Variants in CSMD1 observed in about 807,000 individuals in gnomAD.
The protein encoded by CSMD1 is CUB and sushi domain-containing protein 1.
A neutral mutation model predicts 417.5 loss-of-function variants in CSMD1; 213 were observed. That is an observed-to-expected ratio of 0.51 (90% CI 0.46 to 0.57). CSMD1 has a LOEUF of 0.57. Ranked by LOEUF, CSMD1 falls within the 20% of genes least tolerant of loss-of-function variation. The probability of loss-of-function intolerance (pLI) is 0.00; values close to 1 mark genes in which losing one functional copy is unlikely to be tolerated. For synonymous variants in CSMD1, 2,862 were observed against 1,736.8 expected, an observed-to-expected ratio of 1.65 and a Z score of -16.11; for missense variants, 6,923 against 4,529.7, an observed-to-expected ratio of 1.53 and a Z score of -15.17.
At chr8:3,075,813 G>C (rs1327895747) in intron 49 of CSMD1, among the ~76,000 whole-genome samples, 1 of 151,528 alleles carries the variant, frequency 6.6e-6, no homozygotes, top group African/African-American at 2.4e-5. Flanking sequence ...AGGCCAAGGC[G>C]GGTGGATCAC....
At chr8:4,155,229 C>T (rs147008768) in intron 3 of CSMD1, among the ~76,000 whole-genome samples, 34 of 152,172 alleles carry the variant, frequency 2.2e-4, no homozygotes, top group East Asian at 9.7e-4. Flanking sequence ...GACTGGGTCA[C>T]GCAAATGTTG....
At chr8:2,978,016 C>T (rs766393261) in intron 55 of CSMD1, among the ~76,000 whole-genome samples, 26 of 152,262 alleles carry the variant, frequency 1.7e-4, no homozygotes, top group Admixed American at 3.3e-4. Flanking sequence ...GACAGTGTAG[C>T]GATTCCTCAA....
intron 1 of CSMD1, among the ~76,000 whole-genome samples, chr8:4,809,053 G>C (rs1356493489): frequency 6.6e-6 from 1 of 152,152 alleles, no homozygotes; most frequent in Non-Finnish European, 1.5e-5. Context: ...ACACAGATGA[G>C]TACAGCTTCA....
chr8:4,112,046 T>C (rs1801884518), intron 3 of CSMD1, among the ~76,000 whole-genome samples: 1 of 151,600 alleles, frequency 6.6e-6, no homozygotes, highest in South Asian at 2.1e-4. Flanking sequence ...TACTTTATGT[T>C]AACATTTGCA....
At chr8:4,311,743 A>G (rs1213861645) in intron 3 of CSMD1, among the ~76,000 whole-genome samples, 1 of 148,224 alleles carries the variant, frequency 6.7e-6, no homozygotes, top group South Asian at 2.1e-4. Flanking sequence ...AAAAAAAAGT[A>G]GAATCTAAAT....
At chr8:3,309,569 A>G (rs192247707) in intron 23 of CSMD1, among the ~76,000 whole-genome samples, 2 of 152,236 alleles carry the variant, frequency 1.3e-5, no homozygotes, top group Non-Finnish European at 2.9e-5. Context: ...TGTGAAAGAC[A>G]GTCTTACAGT....
At chr8:4,388,174 T>G (rs1219237032) in intron 3 of CSMD1, among the ~76,000 whole-genome samples, 1 of 152,166 alleles carries the variant, frequency 6.6e-6, no homozygotes, top group Non-Finnish European at 1.5e-5. Flanking sequence ...AATGGGCATC[T>G]ACCCAGAGGA....
At chr8:3,635,764 T>A (rs1350405014) in intron 7 of CSMD1, among the ~76,000 whole-genome samples, 1 of 125,800 alleles carries the variant, frequency 7.9e-6, no homozygotes, top group African/African-American at 3.2e-5. Flanking sequence ...ATTACAGGTA[T>A]GAACCTCTGC....
chr8:3,402,146 G>A (rs1045778883), intron 15 of CSMD1, among the ~76,000 whole-genome samples: 1 of 152,100 alleles, frequency 6.6e-6, no homozygotes, highest in African/African-American at 2.4e-5. Context: ...GATGCAGCCT[G>A]TCTTCTCCAT....
intron 2 of CSMD1, among the ~76,000 whole-genome samples, chr8:4,427,754 C>G (rs985111770): frequency 1.3e-5 from 2 of 152,068 alleles, no homozygotes; most frequent in African/African-American, 4.8e-5. Context: ...GTATATAAAT[C>G]TCTCAATAGA....
intron 3 of CSMD1, among the ~76,000 whole-genome samples, chr8:4,105,713 G>T (rs988885836): frequency 8.5e-5 from 13 of 152,206 alleles, no homozygotes; most frequent in African/African-American, 3.1e-4. Flanking sequence ...GTACCCCATG[G>T]CAAGATCAAC....
chr8:4,883,661 G>A (rs1249924561), intron 1 of CSMD1, among the ~76,000 whole-genome samples: 1 of 151,924 alleles, frequency 6.6e-6, no homozygotes, highest in Admixed American at 6.6e-5. Context: ...AGTACTTTAT[G>A]CTTTTTATTG....
At chr8:3,992,719 T>A (rs2130296437) in intron 5 of CSMD1, among the ~76,000 whole-genome samples, 1 of 152,316 alleles carries the variant, frequency 6.6e-6, no homozygotes, top group African/African-American at 2.4e-5. Flanking sequence ...AGTTTGAGGC[T>A]ACAGTGAGCT....
At chr8:4,470,348 G>T (rs1399287005) in intron 2 of CSMD1, among the ~76,000 whole-genome samples, 2 of 152,070 alleles carry the variant, frequency 1.3e-5, no homozygotes, top group Non-Finnish European at 2.9e-5. Flanking sequence ...GACTACGATG[G>T]TTCAACTCCC....
intron 3 of CSMD1, among the ~76,000 whole-genome samples, chr8:4,303,836 T>C (rs1193547543): frequency 2.6e-5 from 4 of 152,062 alleles, no homozygotes; most frequent in Admixed American, 1.3e-4. Flanking sequence ...TTGTAGTTTT[T>C]AGTAGAGACA....
chr8:4,435,127 T>C (rs577415642), intron 2 of CSMD1, among the ~76,000 whole-genome samples: 3 of 152,292 alleles, frequency 2.0e-5, no homozygotes, highest in Admixed American at 2.0e-4. Flanking sequence ...AAAAACTGTA[T>C]TTTAAAGTAT....
chr8:4,803,711 T>C (rs752049633), intron 1 of CSMD1, among the ~76,000 whole-genome samples: 5 of 152,246 alleles, frequency 3.3e-5, no homozygotes, highest in Non-Finnish European at 7.3e-5. Context: ...TTTCCACGAA[T>C]GTCTATTCTA....
intron 7 of CSMD1, among the ~76,000 whole-genome samples, chr8:3,682,352 AC>A (rs576049029): frequency 2.6e-4 from 40 of 152,316 alleles, no homozygotes; most frequent in Middle Eastern, 3.4e-3. Context: ...CAAGAAAAAA[AC>A]AAGCAACCGC....
At position 3,858,468 on chromosome 8, in the gene CSMD1, A is replaced by G. The variant is rs530240825; in HGVS notation, c.819-104426T>C. Among the ~76,000 whole-genome samples, 310 of 152,262 alleles carry G rather than the reference A, an allele frequency of 2.0e-3. 1 individual carries two copies. Among genetic ancestry groups the G allele is most frequent in the Non-Finnish European group, 2.1e-3 (143 of 68,020 alleles). ...TTAAGCCATATAAAACTACTACTCT[A>G]TCTTTAGATAATAATTCCAACCATT... is the stretch of plus-strand genomic sequence containing the variant. On this transcript the variant is annotated intron_variant, in intron 5 of 69. Coordinates refer to ENST00000635120, the MANE Select transcript of CSMD1 (RefSeq NM_033225.6).
Sources: gnomAD v4.1 joint callset for allele counts (sites outside exome capture counted in the v4.1 genomes callset) on GRCh38, gnomAD v4.1.1 for gene constraint, MANE v1.5 for transcripts, NCBI Gene and HGNC (gene_info 2026-07-23, HGNC 2026-07-21) for gene names.